Variants in RBFOX1 observed in about 807,000 individuals in gnomAD.
RBFOX1 encodes RNA binding protein fox-1 homolog 1.
Under a neutral mutation model 57.7 loss-of-function variants are expected in RBFOX1, and 8 were observed. The ratio of observed to expected loss-of-function variants is 0.14; its 90% CI spans 0.08 to 0.25. The LOEUF is 0.25. Among genes scored for constraint, RBFOX1 ranks in the 10% least tolerant of loss-of-function variants. The pLI, the probability that RBFOX1 is intolerant of heterozygous loss-of-function variation, is 1.00. For missense variants in RBFOX1, 611 were observed against 548.5 expected (o/e 1.11, Z -1.14); for synonymous variants, 326 against 222.4 (o/e 1.47, Z -4.15).
At chr16:5,262,505 T>C (rs1464353027) in intron 1 of RBFOX1, among the ~76,000 whole-genome samples, 1 of 152,202 alleles carries the variant, frequency 6.6e-6, no homozygotes, top group African/African-American at 2.4e-5. Flanking sequence ...GGACTCGAGT[T>C]GGAACTATAT....
chr16:7,256,147 A>C (rs2094672377), intron 4 of RBFOX1, among the ~76,000 whole-genome samples: 1 of 152,204 alleles, frequency 6.6e-6, no homozygotes, highest in South Asian at 2.1e-4. Context: ...AAATACATAG[A>C]ATGTAAATCC....
chr16:6,028,230 G>C (rs1168613152), intron 1 of RBFOX1, among the ~76,000 whole-genome samples: 2 of 152,170 alleles, frequency 1.3e-5, no homozygotes, highest in Non-Finnish European at 2.9e-5. Context: ...AGTTCAGGTT[G>C]CTGTTGATTG....
chr16:7,197,440 G>GAAAAAAAA (rs57893229), intron 4 of RBFOX1, among the ~76,000 whole-genome samples: 4 of 91,320 alleles, frequency 4.4e-5, no homozygotes, highest in Non-Finnish European at 6.3e-5. Context: ...CCTGTGAGTG[G>GAAAAAAAA]AAAAAAAAAA....
intron 2 of RBFOX1, among the ~76,000 whole-genome samples, chr16:6,461,341 A>G (rs1162785596): frequency 6.6e-6 from 1 of 152,120 alleles, no homozygotes; most frequent in Non-Finnish European, 1.5e-5. Flanking sequence ...AACTTAATTA[A>G]CTCGTTAAAG....
At chr16:6,565,964 C>T (rs1311293024) in intron 2 of RBFOX1, among the ~76,000 whole-genome samples, 2 of 152,172 alleles carry the variant, frequency 1.3e-5, no homozygotes, top group African/African-American at 4.8e-5. Flanking sequence ...TCTCTCTGTT[C>T]ATCCTGCACT....
chr16:6,187,756 G>A (rs1471229749), intron 1 of RBFOX1, among the ~76,000 whole-genome samples: 1 of 152,122 alleles, frequency 6.6e-6, no homozygotes, highest in African/African-American at 2.4e-5. Flanking sequence ...TGTAGAGAGT[G>A]GGAGACGGAG....
chr16:7,641,430 T>C (rs1348696422), intron 11 of RBFOX1, among the ~76,000 whole-genome samples: 1 of 152,344 alleles, frequency 6.6e-6, no homozygotes, highest in East Asian at 1.9e-4. Flanking sequence ...TTATCCCTAA[T>C]GGAGAACTTC....
chr16:5,371,075 G>A (rs759468861), intron 1 of RBFOX1, among the ~76,000 whole-genome samples: 14 of 152,216 alleles, frequency 9.2e-5, no homozygotes, highest in Non-Finnish European at 2.1e-4. Context: ...AGCCTCCCAA[G>A]TAGCTGGGAC....
At chr16:7,046,423 C>G (rs926960475) in intron 3 of RBFOX1, among the ~76,000 whole-genome samples, 1 of 151,968 alleles carries the variant, frequency 6.6e-6, no homozygotes, top group Non-Finnish European at 1.5e-5. Flanking sequence ...ACCTTATCAC[C>G]CATGTTAATT....
chr16:5,745,717 T>A (rs1331863993), intron 3 of RBFOX1, among the ~76,000 whole-genome samples: 1 of 152,236 alleles, frequency 6.6e-6, no homozygotes, highest in East Asian at 1.9e-4. Flanking sequence ...TTTTCATGTG[T>A]CTTTTGGCTG....
intron 3 of RBFOX1, among the ~76,000 whole-genome samples, chr16:5,762,635 A>G (rs1410899116): frequency 6.6e-6 from 1 of 152,250 alleles, no homozygotes; most frequent in African/African-American, 2.4e-5. Context: ...TGTTAAATGA[A>G]GAAGTAAGTG....
At chr16:7,287,998 C>G (rs1019706456) in intron 4 of RBFOX1, among the ~76,000 whole-genome samples, 1 of 152,116 alleles carries the variant, frequency 6.6e-6, no homozygotes, top group Non-Finnish European at 1.5e-5. Context: ...CCAAACCAAT[C>G]TCGTGTGTAT....
Position 7,245,198 on chromosome 16 carries a change from ATATCT to A in RBFOX1, c.27+193104_27+193108del, listed in dbSNP as rs1239363436. On this transcript the variant is annotated intron_variant, in intron 4 of 15. Transcript: ENST00000550418. ...CTCTAGATCCTAACTAAAATAATAA[ATATCT>A]TATATTTCATTTGAAAAATATTTCA... Among the ~76,000 whole-genome samples the A allele has an allele frequency of 1.1e-4, 17 of 152,370 alleles. No homozygotes were observed. The East Asian group carries it at 2.5e-3, about 22-fold the overall frequency.
chr16:7,660,985 G>C (rs866502573), intron 12 of RBFOX1, among the ~76,000 whole-genome samples: 2 of 152,258 alleles, frequency 1.3e-5, no homozygotes, highest in South Asian at 4.2e-4. Context: ...CATCTCATGG[G>C]GGTATTCTAA....
At chr16:7,555,968 G>C (rs2088311682) in intron 5 of RBFOX1, among the ~76,000 whole-genome samples, 3 of 151,676 alleles carry the variant, frequency 2.0e-5, no homozygotes, top group African/African-American at 7.3e-5. Context: ...ATTTTTTCCT[G>C]TTTTCTCCAC....
intron 3 of RBFOX1, among the ~76,000 whole-genome samples, chr16:6,753,999 T>A (rs1049111479): frequency 2.6e-5 from 4 of 152,158 alleles, no homozygotes; most frequent in African/African-American, 9.7e-5. Context: ...TTTTACTGGG[T>A]TGTCTTCTGG....
chr16:7,153,799 T>C (rs1244862089), intron 4 of RBFOX1, among the ~76,000 whole-genome samples: 3 of 151,690 alleles, frequency 2.0e-5, no homozygotes, highest in Non-Finnish European at 4.4e-5. Context: ...TTTTCAGTTA[T>C]CATGAGGGGG....
chr16:6,297,205 G>A (rs1440707183), intron 1 of RBFOX1, among the ~76,000 whole-genome samples: 1 of 152,104 alleles, frequency 6.6e-6, no homozygotes, highest in Non-Finnish European at 1.5e-5. Flanking sequence ...TATTTTATCA[G>A]CAAGATCTTT....
intron 10 of RBFOX1, among the ~76,000 whole-genome samples, chr16:7,618,027 T>C (rs2058737755): frequency 6.6e-6 from 1 of 152,084 alleles, no homozygotes; most frequent in Admixed American, 6.5e-5. Flanking sequence ...ATACACATGC[T>C]TGATCTTCAC....
Sources: gnomAD v4.1 joint callset for allele counts (sites outside exome capture counted in the v4.1 genomes callset) on GRCh38, gnomAD v4.1.1 for gene constraint, MANE v1.5 for transcripts, NCBI Gene and HGNC (gene_info 2026-07-23, HGNC 2026-07-21) for gene names.